RBFOX2: variants seen among roughly 807,000 people sequenced by gnomAD.
RBFOX2 encodes RNA binding fox-1 homolog 2.
RBFOX2 carries 10 observed loss-of-function variants against 49.1 expected under a neutral mutation model. The ratio of observed to expected loss-of-function variants is 0.20; its 90% confidence interval spans 0.13 to 0.35. The LOEUF is 0.35. Ranked by LOEUF, RBFOX2 falls within the 10% of genes least tolerant of loss-of-function variation. The pLI, the probability that RBFOX2 is intolerant of heterozygous loss-of-function variation, is 1.00. For missense variants in RBFOX2, 323 were observed against 486.9 expected (o/e 0.66, Z 3.17); for synonymous variants, 183 against 187.4 (o/e 0.98, Z 0.19).
chr22:35,900,912 C>T (rs2048488799), intron 1 of RBFOX2, among the ~76,000 whole-genome samples: 1 of 152,172 alleles, frequency 6.6e-6, no homozygotes, highest in South Asian at 2.1e-4. Context: ...TGGGAGAAGG[C>T]GTAGATATGG....
chr22:35,836,325 CTCTTA>C (rs1370108597), intron 1 of RBFOX2: 2 of 152,246 alleles, frequency 1.3e-5, no homozygotes, highest in African/African-American at 4.8e-5. Flanking sequence ...CATACCTGCT[CTCTTA>C]TCTGTCTTTA....
chr22:35,945,899 A>G (rs1371949388), intron 1 of RBFOX2, among the ~76,000 whole-genome samples: 1 of 152,230 alleles, frequency 6.6e-6, no homozygotes, highest in African/African-American at 2.4e-5. Context: ...CTAGTAAACT[A>G]AGCTTTCGCT....
exon 12 of RBFOX2, chr22:35,741,105 T>C (rs1279188096): frequency 6.6e-6 from 1 of 152,204 alleles, no homozygotes; most frequent in African/African-American, 2.4e-5. Flanking sequence ...TGACAAATGG[T>C]GAATCACAAT....
At chr22:35,756,226 C>A in intron 9 of RBFOX2, 82 bp from the exon 11 acceptor site, 2 of 1,291,226 alleles carry the variant, frequency 1.5e-6, no homozygotes, top group Non-Finnish European at 1.0e-6. Context: ...CGGCAGCATG[C>A]ACATGCGCTC....
intron 1 of RBFOX2, among the ~76,000 whole-genome samples, chr22:35,924,191 CT>C (rs1428034877): frequency 4.6e-5 from 7 of 151,420 alleles, no homozygotes; most frequent in African/African-American, 7.2e-5. Flanking sequence ...AGGACACCCC[CT>C]GTCCCATGCC....
chr22:35,851,299 T>C (rs2041907008), intron 1 of RBFOX2, among the ~76,000 whole-genome samples: 2 of 152,214 alleles, frequency 1.3e-5, no homozygotes. Flanking sequence ...GCATTACACA[T>C]GAAGAACAAG....
chr22:35,874,288 T>C (rs931902385), intron 1 of RBFOX2, among the ~76,000 whole-genome samples: 2 of 152,120 alleles, frequency 1.3e-5, no homozygotes, highest in African/African-American at 2.4e-5. Flanking sequence ...CAAAGCAATT[T>C]ACCTAGAGTA....
chr22:35,971,334 T>C (rs768387727), intron 1 of RBFOX2, among the ~76,000 whole-genome samples: 3 of 152,158 alleles, frequency 2.0e-5, no homozygotes, highest in Non-Finnish European at 2.9e-5. Context: ...ATGTTATATT[T>C]TGAACCATTC....
Position 35,977,512 on chromosome 22 carries a change from G to C in RBFOX2, c.187-38615C>G, listed in dbSNP as rs947077910. On this transcript the variant is annotated intron_variant, in intron 1 of 13. Coordinates refer to the RBFOX2 transcript ENST00000438146. ...CATTTTAGAAATGGCAAAATCATAG[G>C]AACAGAAATCTGATCAGTGATGCCA... 2.0e-5 allele frequency among the ~76,000 whole-genome samples: 3 copies of C among 151,878 alleles called. No individual in the cohort carries two copies. In the East Asian group the frequency reaches 5.8e-4, roughly 29 times the overall value.
chr22:35,890,773 T>C (rs1182618504), intron 1 of RBFOX2, among the ~76,000 whole-genome samples: 1 of 152,058 alleles, frequency 6.6e-6, no homozygotes, highest in Admixed American at 6.5e-5. Context: ...GAGTAAATGT[T>C]ATCACTCAAT....
chr22:35,878,955 C>T (rs1008851373), intron 1 of RBFOX2, among the ~76,000 whole-genome samples: 1 of 152,196 alleles, frequency 6.6e-6, no homozygotes, highest in Non-Finnish European at 1.5e-5. Flanking sequence ...TGGTCTCAAT[C>T]TCCTGACCTC....
chr22:35,992,489 A>G (rs2150115081), intron 1 of RBFOX2: 1 of 152,342 alleles, frequency 6.6e-6, no homozygotes, highest in Non-Finnish European at 1.5e-5. Context: ...AGATAATTTT[A>G]AATTCCTTAG....
intron 1 of RBFOX2, among the ~76,000 whole-genome samples, chr22:35,851,604 A>G (rs911633469): frequency 1.4e-4 from 22 of 152,222 alleles, no homozygotes; most frequent in African/African-American, 4.6e-4. Context: ...AGGCAGGGGG[A>G]TCACTTGAGG....
chr22:35,777,139 G>A (rs906725040), intron 4 of RBFOX2, among the ~76,000 whole-genome samples: 30 of 151,640 alleles, frequency 2.0e-4, no homozygotes, highest in African/African-American at 6.5e-4. Flanking sequence ...AGCCTCCCGA[G>A]TAGCTGGGAT....
chr22:35,751,020 C>A (rs997896297), intron 9 of RBFOX2, among the ~76,000 whole-genome samples: 22 of 152,276 alleles, frequency 1.4e-4, no homozygotes, highest in African/African-American at 5.1e-4. Context: ...ATTTTATCAT[C>A]AAATTAACTT....
At chr22:35,952,122 C>T (rs988099677) in intron 1 of RBFOX2, among the ~76,000 whole-genome samples, 2 of 152,288 alleles carry the variant, frequency 1.3e-5, no homozygotes, top group African/African-American at 4.8e-5. Flanking sequence ...AAAATCTCAG[C>T]ACTAAGTCTG....
At chr22:35,786,726 A>G (rs1019714152) in intron 2 of RBFOX2, among the ~76,000 whole-genome samples, 1 of 152,262 alleles carries the variant, frequency 6.6e-6, no homozygotes, top group Non-Finnish European at 1.5e-5. Flanking sequence ...TCTGTGAAAC[A>G]GGTACTACCA....
chr22:36,004,391 G>A (rs2058544924), intron 1 of RBFOX2, among the ~76,000 whole-genome samples: 1 of 152,146 alleles, frequency 6.6e-6, no homozygotes, highest in Non-Finnish European at 1.5e-5. Context: ...GCTGTCCTTT[G>A]TTTTCTCCCA....
At chr22:35,892,242 A>C (rs568854749) in intron 1 of RBFOX2, among the ~76,000 whole-genome samples, 17 of 152,336 alleles carry the variant, frequency 1.1e-4, no homozygotes, top group African/African-American at 3.4e-4. Context: ...GAGGTTAAGT[A>C]ACTTAACAGT....
Sources: allele counts gnomAD v4.1 joint callset (sites outside exome capture counted in the v4.1 genomes callset), GRCh38; gene constraint gnomAD v4.1.1; transcripts MANE v1.5; gene names NCBI Gene and HGNC (gene_info 2026-07-23, HGNC 2026-07-21).